CENPC: variants seen among roughly 807,000 people sequenced by gnomAD.
The protein encoded by CENPC is CENP-C 1.
In CENPC, 63 loss-of-function variants were observed where a neutral mutation model predicts 112.1. That is an observed-to-expected ratio of 0.56 (90% CI 0.46 to 0.69). The LOEUF (loss-of-function observed/expected upper bound fraction) is 0.69, where lower values mean the gene tolerates loss of function less well. CENPC is among the 30% of genes least tolerant of loss of function. The pLI is 0.00. For missense variants in CENPC, 1,000 were observed against 1,103.8 expected, an observed-to-expected ratio of 0.91 and a Z score of 1.33; for synonymous variants, 333 against 367.6, an observed-to-expected ratio of 0.91 and a Z score of 1.08.
intron 17 of CENPC, among the ~76,000 whole-genome samples, chr4:67,475,724 G>A (rs1219827420): frequency 6.6e-6 from 1 of 152,120 alleles, no homozygotes; most frequent in African/African-American, 2.4e-5. Context: ...TCAGCCTCCT[G>A]AGTAGCTGGG....
chr4:67,483,546 T>C (rs1055946115), intron 17 of CENPC, among the ~76,000 whole-genome samples: 3 of 140,926 alleles, frequency 2.1e-5, no homozygotes, highest in African/African-American at 5.0e-5. Flanking sequence ...TTACCACTTA[T>C]ATAAAAAAAA....
In CENPC at chr4:67,471,056, C is replaced by T. The variant is rs1272499632; in HGVS notation, c.*1549G>A. 2 of 152,224 alleles carry T rather than the reference C, an allele frequency of 1.3e-5. No homozygotes were observed. Among genetic ancestry groups the T allele is most frequent in the East Asian group, 3.8e-4 (2 of 5,200 alleles). The allele number at this position is 152,224 out of a possible 1,614,324, so 9.4% of individuals were successfully genotyped here. On this transcript the variant is annotated 3_prime_UTR_variant, in exon 19 of 19. Transcript: ENST00000273853. ...AGGGGAATTTGGGAACTGCCTCCTA[C>T]AATGAATGCATCCCCCATCCCACAC...
chr4:67,511,497 A>C (rs1309852737), intron 9 of CENPC, among the ~76,000 whole-genome samples: 1 of 152,212 alleles, frequency 6.6e-6, no homozygotes, highest in Non-Finnish European at 1.5e-5. Flanking sequence ...TTAGCAAAGC[A>C]GGTCTGAGTA....
chr4:67,533,207 G>T (rs188950790), intron 4 of CENPC, among the ~76,000 whole-genome samples: 44 of 152,266 alleles, frequency 2.9e-4, no homozygotes, highest in Non-Finnish European at 5.7e-4. Flanking sequence ...TGCTATTCTC[G>T]TGATAGTGAA....
At chr4:67,524,434 C>A (rs961315109) in intron 5 of CENPC, among the ~76,000 whole-genome samples, 3 of 152,078 alleles carry the variant, frequency 2.0e-5, no homozygotes, top group Non-Finnish European at 2.9e-5. Flanking sequence ...CTTAGAAAAC[C>A]CCATCGTTTC....
At chr4:67,479,163 T>A (rs552208509) in intron 17 of CENPC, among the ~76,000 whole-genome samples, 1 of 152,180 alleles carries the variant, frequency 6.6e-6, no homozygotes, top group East Asian at 1.9e-4. Context: ...AAACAGGTCA[T>A]CAAGACAGAA....
At chr4:67,491,445 T>TGAGATA (rs1560423071) in intron 16 of CENPC, among the ~76,000 whole-genome samples, 1 of 64,180 alleles carries the variant, frequency 1.6e-5, no homozygotes, top group African/African-American at 5.9e-5. Context: ...TTTAAATATT[T>TGAGATA]CATATATATA....
chr4:67,503,456 A>G (rs145821010), intron 12 of CENPC, among the ~76,000 whole-genome samples: 2 of 151,564 alleles, frequency 1.3e-5, no homozygotes, highest in East Asian at 3.9e-4. Flanking sequence ...TTATTTCTCT[A>G]CTCTCAACAC....
rs72923112 is a variant in CENPC, at chr4:67,478,600, T to C, written c.2671-3622A>G. Among the ~76,000 whole-genome samples, 1,484 of 149,540 alleles carry C rather than the reference T, an allele frequency of 9.9e-3. 28 individuals carry two copies. Among genetic ancestry groups the C allele is most frequent in the African/African-American group, 0.035 (1,422 of 40,654 alleles). Reference sequence around the variant, plus strand: ...CAAAATATATCAAAATAGAACCTCCTTAAAGGATAAATCTCCCAGGGTCTA... The same window carrying C: ...CAAAATATATCAAAATAGAACCTCCCTAAAGGATAAATCTCCCAGGGTCTA... On this transcript the variant is annotated intron_variant, in intron 17 of 18. Transcript: ENST00000273853.
At chr4:67,515,075 T>C (rs976413355) in intron 7 of CENPC, among the ~76,000 whole-genome samples, 6 of 151,844 alleles carry the variant, frequency 4.0e-5, no homozygotes, top group Admixed American at 3.9e-4. Flanking sequence ...TATATAACTT[T>C]TGGGGTCTGA....
intron 7 of CENPC, among the ~76,000 whole-genome samples, chr4:67,517,852 A>G (rs1726104504): frequency 6.6e-6 from 1 of 152,096 alleles, no homozygotes; most frequent in Non-Finnish European, 1.5e-5. Flanking sequence ...AAATACATAC[A>G]TACATACATA....
intron 1 of CENPC, among the ~76,000 whole-genome samples, chr4:67,545,089 C>T (rs1239665740): frequency 6.6e-6 from 1 of 152,126 alleles, no homozygotes; most frequent in African/African-American, 2.4e-5. Flanking sequence ...TCACAAGCAC[C>T]TCTCAAGAGT....
intron 17 of CENPC, among the ~76,000 whole-genome samples, chr4:67,484,811 G>A (rs193073479): frequency 7.9e-4 from 120 of 152,158 alleles, no homozygotes; most frequent in Non-Finnish European, 1.1e-3. Context: ...GATTATCACC[G>A]CACTGGGCGC....
chr4:67,505,515 T>G, intron 11 of CENPC, among the ~76,000 whole-genome samples: 1 of 151,856 alleles, frequency 6.6e-6, no homozygotes, highest in East Asian at 1.9e-4. Context: ...CCCTTATATA[T>G]AATGGTGCAG....
In CENPC at chr4:67,469,839, TA is replaced by T. The variant is rs1196723521; in HGVS notation, c.*2765del. On this transcript the variant is annotated 3_prime_UTR_variant, in exon 19 of 19. Coordinates refer to ENST00000273853, the MANE Select transcript of CENPC (RefSeq NM_001812.4). ...TAATGGGCACAGAAAGATCACAATT[TA>T]GGGCTGTTGAGAAAACTGAATTGTG... The T allele has an allele frequency of 2.0e-5, 3 of 152,140 alleles. No homozygotes were observed. The highest frequency in any genetic ancestry group is 4.4e-5 in the Non-Finnish European group (3 of 68,032). The allele number at this position is 152,140 out of a possible 1,614,324, so 9.4% of individuals were successfully genotyped here. A position where few individuals can be genotyped will look rare whatever the true frequency, so the allele number is the denominator to read the frequency against.
Position 67,514,595 on chromosome 4 carries a change from G to C in CENPC, c.923C>G (p.Ser308Trp). 6.2e-7 allele frequency: 1 copy of C among 1,608,070 alleles called. No homozygotes were observed. Among genetic ancestry groups the C allele is most frequent in the Non-Finnish European group, 8.5e-7 (1 of 1,177,240 alleles). ...AGATCTACTGGCAAAACTTTGATCC[G>C]ACTCATCAATTATAAATTCATCCTC... ...LIEDEFIIDE[S>W]DQSFASRSWI... Residue 308 changes from serine to tryptophan, a missense_variant, in exon 8 of 19, where the codon TCG becomes TGG. Ser to Trp is a radical substitution (Grantham distance 177). Coordinates refer to ENST00000273853, the MANE Select transcript of CENPC (RefSeq NM_001812.4).
At chr4:67,528,190 A>T (rs963043423) in intron 5 of CENPC, among the ~76,000 whole-genome samples, 2 of 152,166 alleles carry the variant, frequency 1.3e-5, no homozygotes, top group African/African-American at 2.4e-5. Context: ...CTCATAATTT[A>T]AAAAAATGTT....
At chr4:67,506,268 T>C (rs1297149823) in intron 11 of CENPC, among the ~76,000 whole-genome samples, 1 of 152,230 alleles carries the variant, frequency 6.6e-6, no homozygotes, top group Non-Finnish European at 1.5e-5. Context: ...TGGAGCCTAA[T>C]TCCACCTCTC....
intron 2 of CENPC, among the ~76,000 whole-genome samples, chr4:67,541,470 AAC>A (rs930448604): frequency 9.9e-5 from 15 of 152,188 alleles, no homozygotes; most frequent in African/African-American, 3.6e-4. Context: ...GATTAATCTT[AAC>A]AGTTTATGAA....
Sources: gnomAD v4.1 joint callset for allele counts (sites outside exome capture counted in the v4.1 genomes callset) on GRCh38, gnomAD v4.1.1 for gene constraint, MANE v1.5 for transcripts, NCBI Gene and HGNC (gene_info 2026-07-23, HGNC 2026-07-21) for gene names.